Variants in ZMYM4 observed in about 807,000 individuals in gnomAD.
ZMYM4 encodes the protein zinc finger MYM-type protein 4.
Under a neutral mutation model 183.2 loss-of-function variants are expected in ZMYM4, and 31 were observed. The observed-to-expected ratio is 0.17, with a 90% confidence interval of 0.13 to 0.23. The LOEUF is 0.23. ZMYM4 is among the 10% of genes least tolerant of loss of function. ZMYM4 has a pLI of 1.00. For missense variants in ZMYM4, 1,273 were observed against 1,840.3 expected, an observed-to-expected ratio of 0.69 and a Z score of 5.64; for synonymous variants, 592 against 631.2, an observed-to-expected ratio of 0.94 and a Z score of 0.93.
intron 7 of ZMYM4, among the ~76,000 whole-genome samples, chr1:35,371,071 G>A (rs1558103583): frequency 9.1e-6 from 1 of 110,170 alleles, no homozygotes; most frequent in African/African-American, 4.5e-5. Context: ...CAGTGTGTGT[G>A]TGTGTGTGTG....
intron 1 of ZMYM4, among the ~76,000 whole-genome samples, chr1:35,297,692 C>A (rs1213352868): frequency 6.6e-6 from 1 of 152,132 alleles, no homozygotes; most frequent in Admixed American, 6.6e-5. Context: ...TCCCAAGGTA[C>A]TTGCTTTAGT....
chr1:35,371,742 A>C (rs1251170820), intron 7 of ZMYM4, among the ~76,000 whole-genome samples: 1 of 152,180 alleles, frequency 6.6e-6, no homozygotes, highest in African/African-American at 2.4e-5. Context: ...CTCCTAGTTC[A>C]GTTAGATAAG....
In ZMYM4 at chr1:35,396,639, A is replaced by G; in HGVS notation, c.2999A>G (p.Tyr1000Cys). 4 of 1,613,718 alleles carry G rather than the reference A, an allele frequency of 2.5e-6. No homozygotes were observed. Among genetic ancestry groups the G allele is most frequent in the Non-Finnish European group, 3.4e-6 (4 of 1,179,726 alleles). ...VPIPLHLYTQ[Y>C]APVPFGIPVP... ...ATACCTCTTCACCTTTATACTCAATATGCTCCAGTCCCATTTGGAATTCCA... is the reference window on the plus strand; with the variant it reads ...ATACCTCTTCACCTTTATACTCAATGTGCTCCAGTCCCATTTGGAATTCCA... Residue 1000 changes from tyrosine (Y) to cysteine (C), a missense_variant, in exon 19 of 30, where the codon TAT becomes TGT. Physicochemically the swap from Tyr to Cys is radical, Grantham distance 194 (BLOSUM62 -2). Transcript: ENST00000314607.
chr1:35,393,751 G>C lies in ZMYM4; in HGVS notation c.2911+12G>C. 6.4e-7 allele frequency: 1 copy of C among 1,568,394 alleles called. No individual in the cohort carries two copies. Among genetic ancestry groups the C allele is most frequent in the African/African-American group, 1.4e-5 (1 of 72,598 alleles). The stretch of plus-strand genomic sequence containing the variant: ...AGAATGCCAGACAGGTATGTTCCTT[G>C]GTCTTTCTTTCTTTATTAATTTTTT... On this transcript the variant is annotated intron_variant, in intron 18 of 29. Coordinates refer to ENST00000314607, the MANE Select transcript of ZMYM4 (RefSeq NM_005095.3).
Position 35,389,068 on chromosome 1 carries a change from G to A in ZMYM4, c.2422G>A (p.Val808Ile), listed in dbSNP as rs1477676932. The change falls in exon 14 of 30, where the codon GTT becomes ATT. Residue 808 changes from valine (V) to isoleucine (I), a missense_variant. This residue lies in a region of ZMYM4 where 319 missense variants were observed against 518.1 expected (regional missense o/e 0.62). Coordinates refer to ENST00000314607, the MANE Select transcript of ZMYM4 (RefSeq NM_005095.3). The surrounding 1 kb of genome is among the most constrained non-coding windows in gnomAD (Gnocchi z 4.0). Reference sequence around the variant, plus strand: ...TGAAGAATGCATGTCCAAATATACAGTTTTGTTCTATCAGGTAAATAGAAT... The same window carrying A: ...TGAAGAATGCATGTCCAAATATACAATTTTGTTCTATCAGGTAAATAGAAT... The part of the protein sequence containing the change: ...CCEECMSKYT[V>I]LFYQMAKCDA... The A allele has an allele frequency of 3.1e-6, 5 of 1,613,122 alleles. No individual in the cohort carries two copies. The African/African-American group carries it at 5.3e-5, about 17-fold the overall frequency.
chr1:35,276,531 C>T (rs1045473064), intron 1 of ZMYM4, among the ~76,000 whole-genome samples: 1 of 152,136 alleles, frequency 6.6e-6, no homozygotes, highest in African/African-American at 2.4e-5. Flanking sequence ...TTGTTTAAAT[C>T]ATCCAACTAA....
At position 35,362,802 on chromosome 1, in the gene ZMYM4, A is replaced by T. The variant is rs182677717; in HGVS notation, c.840+1013A>T. On this transcript the variant is annotated intron_variant, in intron 5 of 29. Transcript: ENST00000314607. The stretch of plus-strand genomic sequence containing the variant: ...ACTGCAGCCTCAACCTCCCAGGCTC[A>T]AGTGAACCTCCCAGCTCAGCCTCTT... 6.1e-3 allele frequency among the ~76,000 whole-genome samples: 932 copies of T among 152,090 alleles called. 12 individuals are homozygous for T. Among genetic ancestry groups the T allele is most frequent in the Middle Eastern group, 0.031 (9 of 294 alleles).
chr1:35,359,386 T>C lies in ZMYM4; in HGVS notation c.547T>C (p.Leu183=). ...CCTAACTTATGAACGTGAAAAACGG[T>C]TGGATAAACCCCATAAAGATTTGGA... The part of the protein sequence containing the change: ...RDLTYEREKR[L]DKPHKDLDSR... The change falls in exon 3 of 30, where the codon TTG becomes CTG. Residue 183 remains leucine, a synonymous_variant. Coordinates refer to ENST00000314607, the MANE Select transcript of ZMYM4 (RefSeq NM_005095.3). The C allele has an allele frequency of 6.3e-7, 1 of 1,594,702 alleles. No homozygotes were observed. The highest frequency in any genetic ancestry group is 8.5e-7 in the Non-Finnish European group (1 of 1,174,958).
At chr1:35,316,443 A>G (rs907044854) in intron 1 of ZMYM4, among the ~76,000 whole-genome samples, 7 of 152,354 alleles carry the variant, frequency 4.6e-5, no homozygotes, top group African/African-American at 1.2e-4. Flanking sequence ...GAGCAATTGC[A>G]TAAAGTATAA....
chr1:35,299,940 G>A (rs939388484), intron 1 of ZMYM4, among the ~76,000 whole-genome samples: 9 of 151,982 alleles, frequency 5.9e-5, no homozygotes, highest in African/African-American at 9.7e-5. Flanking sequence ...GACTACAGGC[G>A]CCTGCCACCA....
At chr1:35,307,204 G>A (rs1279419267) in intron 1 of ZMYM4, among the ~76,000 whole-genome samples, 7 of 152,066 alleles carry the variant, frequency 4.6e-5, no homozygotes. Context: ...GTATCATTTA[G>A]TAGGCATGAT....
At chr1:35,369,585 T>A (rs1644160147) in intron 5 of ZMYM4, among the ~76,000 whole-genome samples, 1 of 152,042 alleles carries the variant, frequency 6.6e-6, no homozygotes, top group Non-Finnish European at 1.5e-5. Context: ...ATAAAACCTC[T>A]GCATTGAGGA....
intron 1 of ZMYM4, among the ~76,000 whole-genome samples, chr1:35,318,408 A>G (rs922358149): frequency 1.3e-5 from 2 of 152,126 alleles, no homozygotes; most frequent in Admixed American, 6.6e-5. Context: ...CACAAGTTAC[A>G]TAGGAAAAGA....
At chr1:35,338,803 T>G (rs1039341283) in intron 2 of ZMYM4, among the ~76,000 whole-genome samples, 1 of 152,380 alleles carries the variant, frequency 6.6e-6, no homozygotes, top group East Asian at 1.9e-4. Context: ...ACCCACTTGC[T>G]ATTAGTTTTT....
chr1:35,296,901 G>C (rs1393470069), intron 1 of ZMYM4, among the ~76,000 whole-genome samples: 6 of 136,070 alleles, frequency 4.4e-5, no homozygotes, highest in African/African-American at 1.7e-4. Context: ...CCAGGCTGGA[G>C]TGCAGTGACG....
At chr1:35,395,938 T>G (rs1644801598) in intron 18 of ZMYM4, among the ~76,000 whole-genome samples, 1 of 152,224 alleles carries the variant, frequency 6.6e-6, no homozygotes, top group Admixed American at 6.5e-5. Context: ...TCTCCAAGTT[T>G]TTTTCCAAGT....
chr1:35,374,585 A>G (rs942872016), intron 7 of ZMYM4, among the ~76,000 whole-genome samples: 2 of 151,374 alleles, frequency 1.3e-5, no homozygotes, highest in African/African-American at 4.9e-5. Flanking sequence ...GGATTGCTTG[A>G]GCTCAGGAGT....
intron 2 of ZMYM4, among the ~76,000 whole-genome samples, chr1:35,333,874 C>G (rs545034245): frequency 2.6e-5 from 4 of 152,170 alleles, no homozygotes; most frequent in Admixed American, 6.5e-5. Context: ...GATTTTAATG[C>G]ACAATAAGTC....
At chr1:35,288,726 CATG>C (rs143459849) in intron 1 of ZMYM4, among the ~76,000 whole-genome samples, 1,960 of 152,270 alleles carry the variant, frequency 0.013, 45 homozygotes, top group African/African-American at 0.045. Context: ...TCAGTTGTCT[CATG>C]GTGAGCAGAG....
Sources: allele counts gnomAD v4.1 joint callset (sites outside exome capture counted in the v4.1 genomes callset), GRCh38; gene constraint gnomAD v4.1.1; regional missense constraint gnomAD v4.1.1; non-coding constraint Gnocchi (gnomAD v3.1); transcripts MANE v1.5; gene names NCBI Gene and HGNC (gene_info 2026-07-23, HGNC 2026-07-21).